BRIP1: variants seen among roughly 807,000 people sequenced by gnomAD.
The protein encoded by BRIP1 is BRCA1 interacting DNA helicase 1.
In BRIP1, 88 loss-of-function variants were observed where a neutral mutation model predicts 119.7. That is an observed-to-expected ratio of 0.74 (90% CI 0.62 to 0.88). The LOEUF (loss-of-function observed/expected upper bound fraction) is 0.88. Ranked by LOEUF, BRIP1 falls within the 40% of genes least tolerant of loss-of-function variation. The pLI is 0.00. For synonymous variants in BRIP1, 443 were observed against 496.5 expected (o/e 0.89, Z 1.43); for missense variants, 1,259 against 1,455.4 (o/e 0.87, Z 2.20).
At chr17:61,766,318 C>G (rs2077373182) in intron 14 of BRIP1, among the ~76,000 whole-genome samples, 1 of 152,018 alleles carries the variant, frequency 6.6e-6, no homozygotes, top group Non-Finnish European at 1.5e-5. Flanking sequence ...GTTTAATAAC[C>G]AAGAGCAGAA....
rs2078439362 is a variant in BRIP1 at position 61,828,286 on chromosome 17, G to A, written c.627+18815C>T. Among the ~76,000 whole-genome samples the A allele has an allele frequency of 6.6e-6, 1 of 152,152 alleles. No homozygotes were observed. Reference sequence around the variant, plus strand: ...GATGACCTTGAAAACATTATGCTGAGTAAAATAAGCCAGACACAAAAGGAC... The same window carrying A: ...GATGACCTTGAAAACATTATGCTGAATAAAATAAGCCAGACACAAAAGGAC... On this transcript the variant is annotated intron_variant, in intron 6 of 19. Coordinates refer to ENST00000259008, the MANE Select transcript of BRIP1 (RefSeq NM_032043.3). This position sits in a 1 kb window ranked among gnomAD's most constrained non-coding sequence, Gnocchi z 4.1.
chr17:61,708,850 A>C lies in BRIP1; in HGVS notation c.2492+7101T>G, dbSNP rs1007505743. Among the ~76,000 whole-genome samples the C allele has an allele frequency of 6.6e-6, 1 of 152,154 alleles. No homozygotes were observed. The highest frequency in any genetic ancestry group is 2.4e-5 in the African/African-American group (1 of 41,428). The stretch of plus-strand genomic sequence containing the variant: ...GGGTGGTCAGTTTCCCTAAAAAGGA[A>C]TTCTACACGCTTGGTAGATGTAAGA... On this transcript the variant is annotated intron_variant, in intron 17 of 19. Transcript: ENST00000259008. The surrounding 1 kb of genome is among the most constrained non-coding windows in gnomAD (Gnocchi z 4.4).
At position 61,770,326 on chromosome 17, in the gene BRIP1, C is replaced by CA; in HGVS notation, c.2097+6074dup. On this transcript the variant is annotated intron_variant, in intron 14 of 19. Coordinates refer to ENST00000259008, the MANE Select transcript of BRIP1 (RefSeq NM_032043.3). This position sits in a 1 kb window ranked among gnomAD's most constrained non-coding sequence, Gnocchi z 4.7. ...AGCAGAGGATTACAACAGAGAGAGA[C>CA]AGCTGCAAGGCTCAGATTCTATTTA... Among the ~76,000 whole-genome samples, 1 of 152,286 alleles carries CA rather than the reference C, an allele frequency of 6.6e-6. No individual in the cohort carries two copies. The highest frequency in any genetic ancestry group is 1.9e-4 in the East Asian group (1 of 5,188).
rs1165502302 is a variant in BRIP1 at position 61,756,854 on chromosome 17, T to G, written c.2098-12263A>C. ...TCCCAGTCCTCTGGAAAATGTTTTT[T>G]GGCATGTGTTTAACTTTATAATATT... On this transcript the variant is annotated intron_variant, in intron 14 of 19. Transcript: ENST00000259008. This position sits in a 1 kb window ranked among gnomAD's most constrained non-coding sequence, Gnocchi z 4.3. Among the ~76,000 whole-genome samples the G allele has an allele frequency of 1.3e-5, 2 of 152,250 alleles. No individual in the cohort carries two copies.
chr17:61,855,266 A>G (rs1050638926), intron 4 of BRIP1, among the ~76,000 whole-genome samples: 1 of 152,174 alleles, frequency 6.6e-6, no homozygotes, highest in African/African-American at 2.4e-5. Flanking sequence ...GGAGGTACAT[A>G]TGTCAAAATG....
Position 61,744,660 on chromosome 17 carries a change from A to G in BRIP1, c.2098-69T>C. The G allele has an allele frequency of 7.3e-7, 1 of 1,364,248 alleles. No individual in the cohort carries two copies. Among genetic ancestry groups the G allele is most frequent in the African/African-American group, 1.4e-5 (1 of 69,828 alleles). 84.5% of individuals were successfully genotyped at this position (1,364,248 alleles called of 1,614,324 possible). A position where few individuals can be genotyped will look rare whatever the true frequency, so the allele number is the denominator to read the frequency against. On this transcript the variant is annotated intron_variant, in intron 14 of 19. Coordinates refer to ENST00000259008, the MANE Select transcript of BRIP1 (RefSeq NM_032043.3). The surrounding 1 kb of genome is among the most constrained non-coding windows in gnomAD (Gnocchi z 5.0). ...AAACAAACTTAACTTCATTTGTTTAAGCCAATGTGACTACGGCAAGTATAT... is the reference window on the plus strand; with the variant it reads ...AAACAAACTTAACTTCATTTGTTTAGGCCAATGTGACTACGGCAAGTATAT...
Position 61,706,595 on chromosome 17 carries a change from C to CCTA in BRIP1, c.2492+9353_2492+9355dup, listed in dbSNP as rs1320017237. On this transcript the variant is annotated intron_variant, in intron 17 of 19. Transcript: ENST00000259008. This position sits in a 1 kb window ranked among gnomAD's most constrained non-coding sequence, Gnocchi z 5.7. The stretch of plus-strand genomic sequence containing the variant: ...CTCCATATTTCTAAGGAACATTGAT[C>CCTA]CTACTACTACTTCTTGGTTTTTGAA... 6.6e-6 allele frequency among the ~76,000 whole-genome samples: 1 copy of CCTA among 152,168 alleles called. No individual in the cohort carries two copies. The highest frequency in any genetic ancestry group is 2.1e-4 in the South Asian group (1 of 4,824).
At chr17:61,837,558 C>A (rs1011178467) in intron 6 of BRIP1, among the ~76,000 whole-genome samples, 5 of 151,712 alleles carry the variant, frequency 3.3e-5, no homozygotes, top group Non-Finnish European at 7.4e-5. Flanking sequence ...AAATAAAAAG[C>A]AGGTATAAGC....
At chr17:61,777,266 A>T (rs2077548929) in intron 13 of BRIP1, among the ~76,000 whole-genome samples, 1 of 152,242 alleles carries the variant, frequency 6.6e-6, no homozygotes, top group Non-Finnish European at 1.5e-5. Flanking sequence ...ATTGAGTAGA[A>T]AAAAACAAAC....
rs1357086363 is a variant in BRIP1 at position 61,803,608 on chromosome 17, G to A, written c.919-2134C>T. On this transcript the variant is annotated intron_variant, in intron 7 of 19. Coordinates refer to ENST00000259008, the MANE Select transcript of BRIP1 (RefSeq NM_032043.3). The surrounding 1 kb of genome is among the most constrained non-coding windows in gnomAD (Gnocchi z 4.3). The stretch of plus-strand genomic sequence containing the variant: ...ACTGCACTCCAGCCTGGGCAACAGA[G>A]TGAGATCCTGTCTCAAAAAAAAATA... Among the ~76,000 whole-genome samples, 2 of 152,060 alleles carry A rather than the reference G, an allele frequency of 1.3e-5. No homozygotes were observed. Among genetic ancestry groups the A allele is most frequent in the East Asian group, 3.9e-4 (2 of 5,156 alleles).
rs16945665 is a variant in BRIP1, at chr17:61,834,132, G to A, written c.627+12969C>T. Among the ~76,000 whole-genome samples, 17,141 of 151,992 alleles carry A rather than the reference G, an allele frequency of 0.11. 1,622 individuals carry two copies. Among genetic ancestry groups the A allele is most frequent in the South Asian group, 0.27 (1,279 of 4,824 alleles). Reference sequence around the variant, plus strand: ...CCACTGGCATAGGAAAAAAGATTACGACAAAAAAGTATCCATCAAAATAGA... The same window carrying A: ...CCACTGGCATAGGAAAAAAGATTACAACAAAAAAGTATCCATCAAAATAGA... On this transcript the variant is annotated intron_variant, in intron 6 of 19. Coordinates refer to ENST00000259008, the MANE Select transcript of BRIP1 (RefSeq NM_032043.3). This position sits in a 1 kb window ranked among gnomAD's most constrained non-coding sequence, Gnocchi z 4.4.
rs2061909116 is a variant in BRIP1, at chr17:61,717,984, A to C, written c.2380-1921T>G. Among the ~76,000 whole-genome samples the C allele has an allele frequency of 6.6e-6, 1 of 152,172 alleles. No homozygotes were observed. The highest frequency in any genetic ancestry group is 2.4e-5 in the African/African-American group (1 of 41,440). On this transcript the variant is annotated intron_variant, in intron 16 of 19. Coordinates refer to ENST00000259008, the MANE Select transcript of BRIP1 (RefSeq NM_032043.3). The surrounding 1 kb of genome is among the most constrained non-coding windows in gnomAD (Gnocchi z 4.1). ...TAGAGAGATTTCACATAGGTATTTA[A>C]AAAATAGCTTCTGTTTCTCTTTTCA...
At chr17:61,812,007 C>T (rs974443928) in intron 6 of BRIP1, among the ~76,000 whole-genome samples, 6 of 151,968 alleles carry the variant, frequency 3.9e-5, no homozygotes, top group South Asian at 4.2e-4. Context: ...GACAGAAAAA[C>T]TGATTGTAGT....
At chr17:61,786,847 TA>T (rs1178518269) in intron 10 of BRIP1, among the ~76,000 whole-genome samples, 1 of 126,920 alleles carries the variant, frequency 7.9e-6, no homozygotes, top group Non-Finnish European at 1.6e-5. Flanking sequence ...TATATTTATA[TA>T]AAATATATAT....
At chr17:61,698,200 A>G (rs1039234134) in intron 17 of BRIP1, among the ~76,000 whole-genome samples, 2 of 151,994 alleles carry the variant, frequency 1.3e-5, no homozygotes, top group Non-Finnish European at 2.9e-5. Flanking sequence ...ATTTATCACA[A>G]TGTATTTTTC....
rs1373560270 is a variant in BRIP1, at chr17:61,834,493, C to A, written c.627+12608G>T. 6.6e-6 allele frequency among the ~76,000 whole-genome samples: 1 copy of A among 152,066 alleles called. No homozygotes were observed. Among genetic ancestry groups the A allele is most frequent in the Non-Finnish European group, 1.5e-5 (1 of 68,022 alleles). On this transcript the variant is annotated intron_variant, in intron 6 of 19. Transcript: ENST00000259008. This position sits in a 1 kb window ranked among gnomAD's most constrained non-coding sequence, Gnocchi z 4.4. ...ATACTGGGTATATATGTAATATATA[C>A]TACGTAACAAAAATGGCAACAAATT...
intron 14 of BRIP1, among the ~76,000 whole-genome samples, chr17:61,750,714 A>G (rs2144754707): frequency 6.6e-6 from 1 of 151,920 alleles, no homozygotes; most frequent in South Asian, 2.1e-4. Context: ...TGATTAAAAA[A>G]AAAAAAAAGG....
intron 6 of BRIP1, among the ~76,000 whole-genome samples, chr17:61,821,762 A>T (rs1378040528): frequency 1.3e-5 from 2 of 152,008 alleles, no homozygotes; most frequent in Admixed American, 6.6e-5. Flanking sequence ...TCTCTCGCCC[A>T]TGCTGGAGTT....
In BRIP1 at chr17:61,745,529, C is replaced by G. The variant is rs2144712062; in HGVS notation, c.2098-938G>C. 6.6e-6 allele frequency among the ~76,000 whole-genome samples: 1 copy of G among 152,184 alleles called. No homozygotes were observed. Among genetic ancestry groups the G allele is most frequent in the South Asian group, 2.1e-4 (1 of 4,816 alleles). Reference sequence around the variant, plus strand: ...GACTACAGGTGCATGCCACTACACCCAGCTAATTTTTATATTTTGTGTAGA... The same window carrying G: ...GACTACAGGTGCATGCCACTACACCGAGCTAATTTTTATATTTTGTGTAGA... On this transcript the variant is annotated intron_variant, in intron 14 of 19. Coordinates refer to ENST00000259008, the MANE Select transcript of BRIP1 (RefSeq NM_032043.3). This position sits in a 1 kb window ranked among gnomAD's most constrained non-coding sequence, Gnocchi z 4.4.
Sources: gnomAD v4.1 joint callset for allele counts (sites outside exome capture counted in the v4.1 genomes callset) on GRCh38, gnomAD v4.1.1 for gene constraint, Gnocchi (gnomAD v3.1) non-coding constraint, MANE v1.5 for transcripts, NCBI Gene and HGNC (gene_info 2026-07-23, HGNC 2026-07-21) for gene names.